AOPEP: variants seen among roughly 807,000 people sequenced by gnomAD.
AOPEP encodes aminopeptidase O (putative).
In AOPEP, 77 loss-of-function variants were observed where a neutral mutation model predicts 98.1. That is an observed-to-expected ratio of 0.78 (90% confidence interval 0.65 to 0.95). The LOEUF (loss-of-function observed/expected upper bound fraction) is 0.95. AOPEP is among the 40% of genes least tolerant of loss of function. AOPEP has a pLI of 0.00. For missense variants in AOPEP, 1,024 were observed against 1,024.7 expected, an observed-to-expected ratio of 1.00 and a Z score of 0.01; for synonymous variants, 346 against 365.3, an observed-to-expected ratio of 0.95 and a Z score of 0.60.
intron 2 of AOPEP, among the ~76,000 whole-genome samples, chr9:94,766,534 C>T (rs1839669018): frequency 6.6e-6 from 1 of 152,220 alleles, no homozygotes; most frequent in Non-Finnish European, 1.5e-5. Flanking sequence ...GAGACTCCAT[C>T]TCAAAACAAA....
the AOPEP span, among the ~76,000 whole-genome samples, chr9:95,130,050 C>T: frequency 6.6e-6 from 1 of 152,160 alleles, no homozygotes; most frequent in East Asian, 1.9e-4. Flanking sequence ...TAACCATGGT[C>T]TCAGTGCCTG....
intron 5 of AOPEP, among the ~76,000 whole-genome samples, chr9:94,816,971 G>A (rs1851836065): frequency 6.6e-6 from 1 of 152,018 alleles, no homozygotes; most frequent in Non-Finnish European, 1.5e-5. Flanking sequence ...TACAATTTAG[G>A]GTCATGTTCT....
intron 5 of AOPEP, among the ~76,000 whole-genome samples, chr9:94,880,818 T>C (rs960410588): frequency 6.6e-6 from 1 of 152,218 alleles, no homozygotes; most frequent in Non-Finnish European, 1.5e-5. Context: ...TTCCCTTCTC[T>C]ATTAACTCAT....
At chr9:95,096,916 G>A in the AOPEP span, among the ~76,000 whole-genome samples, 1 of 152,258 alleles carries the variant, frequency 6.6e-6, no homozygotes, top group East Asian at 1.9e-4. Context: ...TGTCTAGGAT[G>A]TCGTTCCAGA....
chr9:94,987,541 C>T (rs1041779077), intron 11 of AOPEP, among the ~76,000 whole-genome samples: 3 of 152,160 alleles, frequency 2.0e-5, no homozygotes, highest in South Asian at 2.1e-4. Context: ...ATCAAGGTGG[C>T]GTCCTCAGCT....
intron 11 of AOPEP, among the ~76,000 whole-genome samples, chr9:94,983,068 C>T (rs2060293948): frequency 6.6e-6 from 1 of 152,062 alleles, no homozygotes; most frequent in Non-Finnish European, 1.5e-5. Context: ...CGCTTTGTCA[C>T]CCAGGCTGGA....
chr9:94,733,890 T>C (rs1157559850), intron 1 of AOPEP, among the ~76,000 whole-genome samples: 1 of 152,050 alleles, frequency 6.6e-6, no homozygotes, highest in Non-Finnish European at 1.5e-5. Context: ...GTGCTGGGAG[T>C]ATATTTTAAA....
At chr9:94,834,804 G>GCATACATA (rs1491568722) in intron 5 of AOPEP, among the ~76,000 whole-genome samples, 1 of 141,822 alleles carries the variant, frequency 7.1e-6, no homozygotes, top group East Asian at 2.1e-4. Context: ...ATGCATGCAT[G>GCATACATA]CATGCATGCA....
At chr9:94,909,480 T>C (rs1401200497) in intron 5 of AOPEP, among the ~76,000 whole-genome samples, 1 of 152,212 alleles carries the variant, frequency 6.6e-6, no homozygotes, top group Non-Finnish European at 1.5e-5. Context: ...TTTCTTTGTT[T>C]GTTGTTATTT....
At chr9:94,823,202 GT>G (rs997010776) in intron 5 of AOPEP, among the ~76,000 whole-genome samples, 29 of 152,074 alleles carry the variant, frequency 1.9e-4, no homozygotes, top group Non-Finnish European at 3.8e-4. Context: ...CTCCGTGTTG[GT>G]CAGTCTGGTC....
At chr9:94,984,566 A>G (rs188933284) in intron 11 of AOPEP, among the ~76,000 whole-genome samples, 25 of 152,334 alleles carry the variant, frequency 1.6e-4, no homozygotes, top group Non-Finnish European at 3.2e-4. Flanking sequence ...TATTTCATCA[A>G]TGTTTTTAAA....
At chr9:94,909,923 G>A (rs1195924070) in intron 5 of AOPEP, among the ~76,000 whole-genome samples, 1 of 152,138 alleles carries the variant, frequency 6.6e-6, no homozygotes, top group African/African-American at 2.4e-5. Context: ...ATGGGAGGGG[G>A]TGGGGCCTCT....
chr9:94,986,749 C>T (rs929698585), intron 11 of AOPEP, among the ~76,000 whole-genome samples: 5 of 152,190 alleles, frequency 3.3e-5, no homozygotes, highest in African/African-American at 1.2e-4. Context: ...GACCTCTTTA[C>T]AGCACAAGCC....
At chr9:94,788,513 C>G (rs925612427) in intron 3 of AOPEP, among the ~76,000 whole-genome samples, 9 of 147,060 alleles carry the variant, frequency 6.1e-5, no homozygotes, top group African/African-American at 2.3e-4. Context: ...TTCCCATTTG[C>G]TTGTCCTTTT....
chr9:94,944,401 A>T (rs1479941616), intron 7 of AOPEP, among the ~76,000 whole-genome samples: 1 of 152,250 alleles, frequency 6.6e-6, no homozygotes, highest in African/African-American at 2.4e-5. Flanking sequence ...TTAATCAGCC[A>T]TAAAAAGGAA....
chr9:94,968,635 C>G (rs2059353045), intron 10 of AOPEP, among the ~76,000 whole-genome samples: 2 of 152,220 alleles, frequency 1.3e-5, no homozygotes. Context: ...CCTTGGCCTC[C>G]CAAAGTGCTG....
At chr9:95,095,494 C>T in the AOPEP span, among the ~76,000 whole-genome samples, 2 of 152,202 alleles carry the variant, frequency 1.3e-5, no homozygotes. Flanking sequence ...AGGAAATTCG[C>T]TTTTTTCATG....
chr9:94,914,461 A>G (rs925907076), intron 5 of AOPEP, among the ~76,000 whole-genome samples: 1 of 151,776 alleles, frequency 6.6e-6, no homozygotes, highest in African/African-American at 2.4e-5. Flanking sequence ...TATCTTTGAA[A>G]TGCTCTGTAA....
chr9:94,979,444 A>C lies in AOPEP; in HGVS notation c.1977+17A>C, dbSNP rs763041171. The C allele has an allele frequency of 1.3e-6, 2 of 1,554,298 alleles. No homozygotes were observed. Among genetic ancestry groups the C allele is most frequent in the Non-Finnish European group, 1.8e-6 (2 of 1,131,844 alleles). ...ATACCAAAGGTAACTCAAGATAACC[A>C]CTTTGGTAGAATCCATGGAGAGTAG... On this transcript the variant is annotated intron_variant, in intron 11 of 16. Transcript: ENST00000375315.
Sources: allele counts gnomAD v4.1 joint callset (sites outside exome capture counted in the v4.1 genomes callset), GRCh38; gene constraint gnomAD v4.1.1; transcripts MANE v1.5; gene names NCBI Gene and HGNC (gene_info 2026-07-23, HGNC 2026-07-21).